The following BORCS5 variants were observed in gnomAD, a reference collection of about 807,000 sequenced individuals.
BORCS5 encodes BLOC-1 related complex subunit 5, also known as BLOC-1-related complex subunit 5.
BORCS5 carries 17 observed loss-of-function variants against 22.1 expected under a neutral mutation model. The ratio of observed to expected loss-of-function variants is 0.77; its 90% CI spans 0.53 to 1.15. The LOEUF (loss-of-function observed/expected upper bound fraction) is 1.15. BORCS5 is among the 50% of genes most tolerant of loss of function. The pLI, the probability that BORCS5 is intolerant of heterozygous loss-of-function variation, is 0.00. For synonymous variants in BORCS5, 117 were observed against 99.8 expected, an observed-to-expected ratio of 1.17 and a Z score of -1.03; for missense variants, 247 against 253.2, an observed-to-expected ratio of 0.98 and a Z score of 0.17.
At chr12:12,416,219 T>C (rs1192451900) in intron 2 of BORCS5, among the ~76,000 whole-genome samples, 1 of 152,144 alleles carries the variant, frequency 6.6e-6, no homozygotes, top group African/African-American at 2.4e-5. Flanking sequence ...TTTTTCTTAG[T>C]TCCTCTACTC....
At chr12:12,363,177 G>A (rs1314063254) in intron 2 of BORCS5, among the ~76,000 whole-genome samples, 2 of 151,684 alleles carry the variant, frequency 1.3e-5, no homozygotes, top group African/African-American at 2.4e-5. Context: ...CATACCTGTC[G>A]TCCCAGCTAG....
At chr12:12,395,957 A>G (rs1941329633) in intron 2 of BORCS5, among the ~76,000 whole-genome samples, 1 of 152,000 alleles carries the variant, frequency 6.6e-6, no homozygotes, top group Non-Finnish European at 1.5e-5. Context: ...GAGGGAGCAG[A>G]ATAATGGCAG....
chr12:12,371,632 A>G (rs1371218729), intron 2 of BORCS5, among the ~76,000 whole-genome samples: 1 of 152,160 alleles, frequency 6.6e-6, no homozygotes, highest in East Asian at 1.9e-4. Context: ...GTTCACACTA[A>G]TATGTTCTCT....
At chr12:12,444,356 T>C (rs1592132617) in intron 3 of BORCS5, among the ~76,000 whole-genome samples, 1 of 152,192 alleles carries the variant, frequency 6.6e-6, no homozygotes, top group Admixed American at 6.5e-5. Context: ...TCTCCTCCAT[T>C]GAGTTCAGGG....
At position 12,392,245 on chromosome 12, in the gene BORCS5, G is replaced by C. The variant is rs1445497309; in HGVS notation, c.202+30896G>C. Among the ~76,000 whole-genome samples the C allele has an allele frequency of 2.0e-5, 3 of 151,878 alleles. No homozygotes were observed. The East Asian group carries it at 5.8e-4, about 29-fold the overall frequency. Reference sequence around the variant, plus strand: ...GGTAGAGGTATTAGTGTCCCTTTTAGAGATGAGGAAAATGTGATCCAAAGA... The same window carrying C: ...GGTAGAGGTATTAGTGTCCCTTTTACAGATGAGGAAAATGTGATCCAAAGA... On this transcript the variant is annotated intron_variant, in intron 2 of 3. Coordinates refer to ENST00000314565, the MANE Select transcript of BORCS5 (RefSeq NM_058169.6).
intron 2 of BORCS5, among the ~76,000 whole-genome samples, chr12:12,416,713 C>G (rs563702731): frequency 6.6e-6 from 1 of 151,880 alleles, no homozygotes; most frequent in Non-Finnish European, 1.5e-5. Flanking sequence ...CTTCCACCTC[C>G]GCCTACTGAG....
At chr12:12,412,900 CTTTTTTT>C (rs869045354) in intron 2 of BORCS5, among the ~76,000 whole-genome samples, 38 of 74,206 alleles carry the variant, frequency 5.1e-4, no homozygotes, top group South Asian at 2.1e-3. Flanking sequence ...TTGTGGTTTT[CTTTTTTT>C]TTTTTTTTTT....
intron 2 of BORCS5, among the ~76,000 whole-genome samples, chr12:12,410,410 G>A (rs1381913853): frequency 2.6e-5 from 4 of 152,198 alleles, no homozygotes; most frequent in African/African-American, 7.2e-5. Flanking sequence ...TGTATAAGGT[G>A]TAAGGAAGGG....
In BORCS5 at chr12:12,419,392, G is replaced by A. The variant is rs1942055875; in HGVS notation, c.203-16236G>A. 2.6e-5 allele frequency among the ~76,000 whole-genome samples: 4 copies of A among 152,144 alleles called. 2 individuals carry two copies. The South Asian group carries it at 8.3e-4, about 32-fold the overall frequency. On this transcript the variant is annotated intron_variant, in intron 2 of 3. Transcript: ENST00000314565. ...CATGAACTCATCCTTTTTTATGGCT[G>A]CATAGTATTCCATGGTGTATATGTG...
intron 1 of BORCS5, 145 bp downstream of exon 1, chr12:12,357,654 A>C: frequency 2.4e-6 from 2 of 823,180 alleles, no homozygotes; most frequent in Non-Finnish European, 3.5e-6. Context: ...AAAAGTCACC[A>C]TCTGTCCTGG....
At chr12:12,366,845 A>G (rs542177859) in intron 2 of BORCS5, among the ~76,000 whole-genome samples, 2 of 152,370 alleles carry the variant, frequency 1.3e-5, no homozygotes, top group Non-Finnish European at 2.9e-5. Flanking sequence ...ACACACATGC[A>G]TGCATGTGAC....
intron 2 of BORCS5, among the ~76,000 whole-genome samples, chr12:12,381,301 A>C (rs1863770709): frequency 6.6e-6 from 1 of 151,348 alleles, no homozygotes; most frequent in African/African-American, 2.4e-5. Flanking sequence ...TTTTTAATAA[A>C]GATTTCTCCT....
chr12:12,431,428 G>T (rs11054904), intron 2 of BORCS5, among the ~76,000 whole-genome samples: 37,326 of 135,530 alleles, frequency 0.28, 5,697 homozygotes, highest in Non-Finnish European at 0.33. Flanking sequence ...TTTTGAGACG[G>T]AGTCTTGCTC....
chr12:12,412,918 T>TTA (rs1941778486), intron 2 of BORCS5, among the ~76,000 whole-genome samples: 1 of 142,178 alleles, frequency 7.0e-6, no homozygotes, highest in African/African-American at 2.6e-5. Flanking sequence ...TTTTTTTTTT[T>TTA]TTTTTTTATT....
At chr12:12,430,091 G>A (rs932743805) in intron 2 of BORCS5, among the ~76,000 whole-genome samples, 2 of 151,316 alleles carry the variant, frequency 1.3e-5, no homozygotes, top group African/African-American at 2.4e-5. Flanking sequence ...TAAGCAAAAC[G>A]TGGTCCCTGT....
rs71061068 is a variant in BORCS5 at position 12,430,151 on chromosome 12, A to ATTTTTTT, written c.203-5466_203-5460dup. Among the ~76,000 whole-genome samples the ATTTTTTT allele has an allele frequency of 4.6e-4, 50 of 107,752 alleles. 6 individuals carry two copies. The highest frequency in any genetic ancestry group is 1.2e-3 in the African/African-American group (29 of 24,592). The allele number at this position is 107,752 out of a possible 152,430, so 70.7% of individuals were successfully genotyped here. A position where few individuals can be genotyped will look rare whatever the true frequency, so the allele number is the denominator to read the frequency against. On this transcript the variant is annotated intron_variant, in intron 2 of 3. Transcript: ENST00000314565. Reference sequence around the variant, plus strand: ...TACCACTTTAATCACCTTAGAGAAAATTTTTTTTTTTTTTTTTGAGACAGA... The same window carrying ATTTTTTT: ...TACCACTTTAATCACCTTAGAGAAAATTTTTTTTTTTTTTTTTTTTTTTTGAGACAGA...
chr12:12,405,392 T>G (rs1165314390), intron 2 of BORCS5, among the ~76,000 whole-genome samples: 13 of 152,208 alleles, frequency 8.5e-5, no homozygotes. Flanking sequence ...TACTGTATTA[T>G]CTCCCTCAAG....
At chr12:12,357,547 C>T in intron 1 of BORCS5, 38 bp downstream of exon 1, 1 of 1,587,804 alleles carries the variant, frequency 6.3e-7, no homozygotes. Flanking sequence ...CCAGCCCGCC[C>T]TGTCCCCTTG....
intron 3 of BORCS5, among the ~76,000 whole-genome samples, chr12:12,458,068 T>G (rs1943030863): frequency 6.6e-6 from 1 of 152,230 alleles, no homozygotes; most frequent in Non-Finnish European, 1.5e-5. Context: ...GTCAGGGCTT[T>G]AGCAAAGGAG....
Sources: gnomAD v4.1 joint callset for allele counts (sites outside exome capture counted in the v4.1 genomes callset) on GRCh38, gnomAD v4.1.1 for gene constraint, MANE v1.5 for transcripts, NCBI Gene and HGNC (gene_info 2026-07-23, HGNC 2026-07-21) for gene names.